LRP1B: variants seen among roughly 807,000 people sequenced by gnomAD.
LRP1B encodes the protein LDL receptor related protein 1B, also known as low-density lipoprotein receptor-related protein 1B.
In LRP1B, 217 loss-of-function variants were observed where a neutral mutation model predicts 556.6. That is an observed-to-expected ratio of 0.39 (90% confidence interval 0.35 to 0.44). The LOEUF (loss-of-function observed/expected upper bound fraction) is 0.44. Among genes scored for constraint, LRP1B ranks in the 20% least tolerant of loss-of-function variants. LRP1B has a pLI of 1.00. For missense variants in LRP1B, 5,053 were observed against 5,620.8 expected (o/e 0.90, Z 3.23); for synonymous variants, 2,047 against 1,865.8 (o/e 1.10, Z -2.50).
At chr2:140,631,223 G>C (rs1451116095) in intron 41 of LRP1B, among the ~76,000 whole-genome samples, 1 of 152,124 alleles carries the variant, frequency 6.6e-6, no homozygotes, top group African/African-American at 2.4e-5. Flanking sequence ...ATTTACCTCA[G>C]TTCATAAACC....
chr2:141,214,185 A>G (rs1288496982), intron 6 of LRP1B, among the ~76,000 whole-genome samples: 14 of 152,216 alleles, frequency 9.2e-5, no homozygotes, highest in Admixed American at 8.5e-4. Flanking sequence ...GGTCATCATC[A>G]TAACTTCAAT....
chr2:141,370,553 CCT>C (rs1413601273), intron 3 of LRP1B, among the ~76,000 whole-genome samples: 2 of 151,978 alleles, frequency 1.3e-5, no homozygotes, highest in Admixed American at 6.6e-5. Context: ...ATATGAGTCC[CCT>C]GTTGAATGTA....
Position 141,254,438 on chromosome 2 carries a change from G to A in LRP1B, c.463+84C>T, listed in dbSNP as rs114828465. The A allele has an allele frequency of 2.0e-4, 262 of 1,341,018 alleles. No homozygotes were observed. In the African/African-American group the frequency reaches 3.5e-3, roughly 18 times the overall value. 83.1% of individuals were successfully genotyped at this position (1,341,018 alleles called of 1,614,324 possible). A position where few individuals can be genotyped will look rare whatever the true frequency, so the allele number is the denominator to read the frequency against. On this transcript the variant is annotated intron_variant, in intron 4 of 90. Transcript: ENST00000389484. ...TAACATAAACACTGTAGAGCACATG[G>A]TAGGTGCTCAAAGATGTCTGCTTAC...
intron 1 of LRP1B, among the ~76,000 whole-genome samples, chr2:141,881,353 A>C (rs1698951837): frequency 6.6e-6 from 1 of 152,072 alleles, no homozygotes; most frequent in South Asian, 2.1e-4. Context: ...AATTGTGAGG[A>C]GGAAAGAGGA....
intron 86 of LRP1B, chr2:140,269,295 A>G: frequency 2.1e-6 from 1 of 471,108 alleles, no homozygotes; most frequent in Non-Finnish European, 4.4e-6. Context: ...AAACGCAGTT[A>G]AAGTGCAAAT....
intron 2 of LRP1B, among the ~76,000 whole-genome samples, chr2:141,758,070 A>T (rs1694387516): frequency 6.6e-6 from 1 of 152,216 alleles, no homozygotes; most frequent in Non-Finnish European, 1.5e-5. Flanking sequence ...CAAATTCGAC[A>T]GCTGTAGTTT....
rs76120142 is a variant in LRP1B at position 140,906,152 on chromosome 2, T to A, written c.3520+1725A>T. 7.2e-3 allele frequency among the ~76,000 whole-genome samples: 1,090 copies of A among 152,242 alleles called. 34 individuals are homozygous for A. The highest frequency in any genetic ancestry group is 0.061 in the East Asian group (316 of 5,160). On this transcript the variant is annotated intron_variant, in intron 22 of 90. Coordinates refer to ENST00000389484, the MANE Select transcript of LRP1B (RefSeq NM_018557.3). ...AGTTCAATATGCCACAATGCTGCAA[T>A]CATGACAAAATTGTCTTTTTATTTT...
Position 140,688,940 on chromosome 2 carries a change from T to G in LRP1B, c.6799+11310A>C, listed in dbSNP as rs578094054. The stretch of plus-strand genomic sequence containing the variant: ...AACACAGATGAGAAGAGCTACATAG[T>G]CAGCCCACAAATAGTAGAATAAATA... On this transcript the variant is annotated intron_variant, in intron 41 of 90. Transcript: ENST00000389484. Among the ~76,000 whole-genome samples the G allele has an allele frequency of 5.3e-5, 8 of 152,178 alleles. No individual in the cohort carries two copies. The South Asian group carries it at 1.7e-3, about 31-fold the overall frequency.
chr2:141,402,322 C>T (rs1057282160), intron 3 of LRP1B, among the ~76,000 whole-genome samples: 3 of 151,948 alleles, frequency 2.0e-5, no homozygotes, highest in Admixed American at 1.3e-4. Flanking sequence ...TGCTAGTCAC[C>T]AATATTTGGC....
chr2:141,764,174 T>G (rs1041839758), intron 2 of LRP1B, among the ~76,000 whole-genome samples: 13 of 151,906 alleles, frequency 8.6e-5, no homozygotes, highest in African/African-American at 2.9e-4. Context: ...GGGCTCTGTC[T>G]GACAAGATGG....
At chr2:141,917,660 C>T (rs1287789790) in intron 1 of LRP1B, among the ~76,000 whole-genome samples, 3 of 152,164 alleles carry the variant, frequency 2.0e-5, no homozygotes, top group Admixed American at 6.5e-5. Flanking sequence ...AGATCCAATT[C>T]GTTGGATGTT....
chr2:142,042,664 A>G (rs1381860603), intron 1 of LRP1B, among the ~76,000 whole-genome samples: 4 of 151,520 alleles, frequency 2.6e-5, no homozygotes, highest in Admixed American at 1.3e-4. Context: ...GCCTTTCTCA[A>G]TCTATAGCTG....
intron 41 of LRP1B, among the ~76,000 whole-genome samples, chr2:140,603,007 G>A (rs1682733108): frequency 1.3e-5 from 2 of 152,070 alleles, no homozygotes; most frequent in South Asian, 2.1e-4. Flanking sequence ...AAAAGCCTAT[G>A]TTCTTAGTAG....
chr2:141,885,340 CAG>C (rs1304577803), intron 1 of LRP1B, among the ~76,000 whole-genome samples: 1 of 152,096 alleles, frequency 6.6e-6, no homozygotes, highest in Non-Finnish European at 1.5e-5. Context: ...GTGACTGATA[CAG>C]AGTCTATTGC....
At chr2:140,686,560 A>G (rs973490839) in intron 41 of LRP1B, among the ~76,000 whole-genome samples, 11 of 152,176 alleles carry the variant, frequency 7.2e-5, no homozygotes, top group African/African-American at 2.6e-4. Context: ...AAGAAAAGTA[A>G]TACTTTTATT....
intron 29 of LRP1B, among the ~76,000 whole-genome samples, chr2:140,842,810 T>G (rs1692150833): frequency 6.6e-6 from 1 of 152,132 alleles, no homozygotes; most frequent in Admixed American, 6.6e-5. Flanking sequence ...TTTTTGTCAT[T>G]AATCAAGTCA....
chr2:140,905,606 A>G (rs1230989902), intron 22 of LRP1B, among the ~76,000 whole-genome samples: 1 of 152,076 alleles, frequency 6.6e-6, no homozygotes, highest in Non-Finnish European at 1.5e-5. Flanking sequence ...TGTCACAAAG[A>G]TAAGAGAAGC....
At chr2:141,431,204 T>G (rs936529354) in intron 3 of LRP1B, among the ~76,000 whole-genome samples, 5 of 145,686 alleles carry the variant, frequency 3.4e-5, no homozygotes, top group Non-Finnish European at 6.1e-5. Flanking sequence ...TGAGCTAATG[T>G]AATCATATCA....
chr2:141,177,052 C>G (rs1013356729), intron 7 of LRP1B, among the ~76,000 whole-genome samples: 8 of 152,004 alleles, frequency 5.3e-5, no homozygotes, highest in African/African-American at 1.7e-4. Flanking sequence ...GACTCAGTGA[C>G]TAGATATAAC....
Sources: allele counts gnomAD v4.1 joint callset (sites outside exome capture counted in the v4.1 genomes callset), GRCh38; gene constraint gnomAD v4.1.1; transcripts MANE v1.5; gene names NCBI Gene and HGNC (gene_info 2026-07-23, HGNC 2026-07-21).